RBMS3: variants seen among roughly 807,000 people sequenced by gnomAD.
RBMS3 encodes the protein RNA-binding motif, single-stranded-interacting protein 3.
RBMS3 carries 27 observed loss-of-function variants against 66.8 expected under a neutral mutation model. The ratio of observed to expected loss-of-function variants is 0.40; its 90% CI spans 0.30 to 0.56. The LOEUF (loss-of-function observed/expected upper bound fraction) is 0.56. RBMS3 is among the 20% of genes least tolerant of loss of function. The pLI is 0.40. For missense variants in RBMS3, 513 were observed against 549.5 expected, an observed-to-expected ratio of 0.93 and a Z score of 0.66; for synonymous variants, 188 against 183.0, an observed-to-expected ratio of 1.03 and a Z score of -0.22.
chr3:29,317,721 C>CA (rs2034768865), intron 1 of RBMS3, among the ~76,000 whole-genome samples: 1 of 151,664 alleles, frequency 6.6e-6, no homozygotes, highest in Admixed American at 6.6e-5. Context: ...CATAAAAGGT[C>CA]AAAAAATACA....
At chr3:29,911,202 G>T (rs1000053344) in intron 10 of RBMS3, among the ~76,000 whole-genome samples, 4 of 152,032 alleles carry the variant, frequency 2.6e-5, no homozygotes, top group Non-Finnish European at 4.4e-5. Context: ...AGTGTTGGGT[G>T]TCAGGCAGGA....
chr3:29,564,899 A>G (rs1396933452), intron 3 of RBMS3, among the ~76,000 whole-genome samples: 1 of 152,194 alleles, frequency 6.6e-6, no homozygotes, highest in East Asian at 1.9e-4. Flanking sequence ...AAAAAAGAAT[A>G]TCTTTAAAAA....
chr3:29,638,357 C>A (rs576679093), intron 4 of RBMS3, among the ~76,000 whole-genome samples: 3 of 151,782 alleles, frequency 2.0e-5, no homozygotes, highest in African/African-American at 4.8e-5. Context: ...GATTATGAGC[C>A]TATCTTACAG....
chr3:29,422,023 G>A (rs1045403426), intron 1 of RBMS3, among the ~76,000 whole-genome samples: 3 of 152,142 alleles, frequency 2.0e-5, no homozygotes, highest in Admixed American at 6.6e-5. Context: ...TGTGTGCCAG[G>A]TTTTATTCTC....
At chr3:29,640,687 A>G (rs569329994) in intron 4 of RBMS3, among the ~76,000 whole-genome samples, 10 of 151,888 alleles carry the variant, frequency 6.6e-5, no homozygotes, top group African/African-American at 2.4e-4. Context: ...TCTTTCTGCT[A>G]TCAATCATAT....
At chr3:29,581,784 T>A (rs1467322979) in intron 3 of RBMS3, among the ~76,000 whole-genome samples, 1 of 152,174 alleles carries the variant, frequency 6.6e-6, no homozygotes, top group Non-Finnish European at 1.5e-5. Context: ...AAATTTAGTG[T>A]GCAGTTACAC....
At chr3:29,732,267 A>ATT (rs1341317962) in intron 4 of RBMS3, among the ~76,000 whole-genome samples, 3 of 152,174 alleles carry the variant, frequency 2.0e-5, no homozygotes, top group Non-Finnish European at 4.4e-5. Context: ...GGAAAATGTA[A>ATT]TTCCAGCTCA....
intron 4 of RBMS3, among the ~76,000 whole-genome samples, chr3:29,658,247 GT>G (rs762105016): frequency 2.0e-5 from 3 of 152,174 alleles, no homozygotes; most frequent in Non-Finnish European, 4.4e-5. Context: ...GTTAGTTGTG[GT>G]AATCACAGAG....
rs185552447 is a variant in RBMS3, at chr3:29,843,595, C to T, written c.638-25263C>T. On this transcript the variant is annotated intron_variant, in intron 6 of 14. Transcript: ENST00000383767. ...CACGGACGTTGACCAGGGTTTTCTT[C>T]CTTCATTAGTTGAAAATGAACTGTA... Among the ~76,000 whole-genome samples the T allele has an allele frequency of 1.3e-4, 20 of 152,270 alleles. No individual in the cohort carries two copies. In the East Asian group the frequency reaches 3.7e-3, roughly 28 times the overall value.
At chr3:29,711,783 C>T (rs545420965) in intron 4 of RBMS3, among the ~76,000 whole-genome samples, 1 of 152,146 alleles carries the variant, frequency 6.6e-6, no homozygotes, top group East Asian at 1.9e-4. Context: ...TGAGGATTAG[C>T]TATTGCCTTT....
chr3:29,948,408 G>A lies in RBMS3; in HGVS notation c.1098+4154G>A, dbSNP rs576431217. On this transcript the variant is annotated intron_variant, in intron 12 of 14. Transcript: ENST00000383767. ...GCCTATTTCTTATGCTGCATCTTAG[G>A]TGAGAATTGCTGTGTGAAACTATCC... Among the ~76,000 whole-genome samples the A allele has an allele frequency of 3.0e-4, 46 of 151,874 alleles. 1 individual carries two copies. The South Asian group carries it at 8.3e-3, about 27-fold the overall frequency.
intron 4 of RBMS3, among the ~76,000 whole-genome samples, chr3:29,722,175 CTTGT>C (rs2053669174): frequency 6.6e-6 from 1 of 152,036 alleles, no homozygotes. Flanking sequence ...AAATTAACAG[CTTGT>C]TTATTTTATT....
At chr3:29,427,795 T>G (rs945188046) in intron 1 of RBMS3, among the ~76,000 whole-genome samples, 3 of 151,914 alleles carry the variant, frequency 2.0e-5, no homozygotes, top group African/African-American at 7.3e-5. Context: ...CCAGAGCTAC[T>G]CCAAAACCAC....
At chr3:29,910,150 C>A (rs2060480334) in intron 10 of RBMS3, among the ~76,000 whole-genome samples, 1 of 152,026 alleles carries the variant, frequency 6.6e-6, no homozygotes, top group Admixed American at 6.6e-5. Context: ...CTATTAAATT[C>A]TTATTTCCTA....
intron 1 of RBMS3, among the ~76,000 whole-genome samples, chr3:29,290,037 A>G (rs563882728): frequency 6.6e-6 from 1 of 151,964 alleles, no homozygotes; most frequent in African/African-American, 2.4e-5. Context: ...AAGTGAAATA[A>G]AAAACAATAC....
chr3:29,422,413 T>A (rs1485671445), intron 1 of RBMS3, among the ~76,000 whole-genome samples: 251 of 104,126 alleles, frequency 2.4e-3, no homozygotes, highest in Non-Finnish European at 3.9e-3. Flanking sequence ...AAAAAAAAAA[T>A]CTCCAGTAAT....
chr3:29,717,124 G>A lies in RBMS3; in HGVS notation c.400-22596G>A, dbSNP rs115372729. Among the ~76,000 whole-genome samples the A allele has an allele frequency of 2.7e-3, 406 of 151,814 alleles. 4 individuals carry two copies. Among genetic ancestry groups the A allele is most frequent in the African/African-American group, 8.9e-3 (370 of 41,416 alleles). On this transcript the variant is annotated intron_variant, in intron 4 of 14. Coordinates refer to ENST00000383767, the MANE Select transcript of RBMS3 (RefSeq NM_001003793.3). ...GTGATTTGAGGTAGATCCTTTACCC[G>A]CTCACAGCCTTAGTTGCCTCCTCTG...
chr3:29,359,301 C>A (rs1218363656), intron 1 of RBMS3, among the ~76,000 whole-genome samples: 3 of 152,096 alleles, frequency 2.0e-5, no homozygotes, highest in South Asian at 4.1e-4. Context: ...TCTGCTGAGA[C>A]AATCATGTGG....
chr3:29,676,055 GCAAATGTGGCACATATACAC>G (rs2051233566), intron 4 of RBMS3, among the ~76,000 whole-genome samples: 1 of 152,218 alleles, frequency 6.6e-6, no homozygotes, highest in Admixed American at 6.5e-5. Flanking sequence ...ACTGGATTAA[GCAAATGTGGCACATATACAC>G]CATGGAATAC....
Sources: allele counts gnomAD v4.1 joint callset (sites outside exome capture counted in the v4.1 genomes callset), GRCh38; gene constraint gnomAD v4.1.1; transcripts MANE v1.5; gene names NCBI Gene and HGNC (gene_info 2026-07-23, HGNC 2026-07-21).